The following GRM7 variants were observed in gnomAD, a reference collection of about 807,000 sequenced individuals.
The protein encoded by GRM7 is glutamate metabotropic receptor 7.
Under a neutral mutation model 84.5 loss-of-function variants are expected in GRM7, and 35 were observed. The observed-to-expected ratio is 0.41, with a 90% CI of 0.32 to 0.55. The LOEUF is 0.55. Among genes scored for constraint, GRM7 ranks in the 20% least tolerant of loss-of-function variants. The pLI, the probability that GRM7 is intolerant of heterozygous loss-of-function variation, is 0.19. For missense variants in GRM7, 1,003 were observed against 1,194.6 expected, an observed-to-expected ratio of 0.84 and a Z score of 2.36; for synonymous variants, 487 against 455.1, an observed-to-expected ratio of 1.07 and a Z score of -0.89.
At chr3:7,143,247 T>C (rs1224000454) in intron 1 of GRM7, among the ~76,000 whole-genome samples, 1 of 152,196 alleles carries the variant, frequency 6.6e-6, no homozygotes, top group African/African-American at 2.4e-5. Context: ...TAACATTAAC[T>C]TGAAAGCAAG....
intron 2 of GRM7, among the ~76,000 whole-genome samples, chr3:7,217,040 A>G (rs1187848821): frequency 6.6e-6 from 1 of 152,194 alleles, no homozygotes; most frequent in African/African-American, 2.4e-5. Flanking sequence ...GTGAGCTGGC[A>G]TACCTTGAAG....
intron 7 of GRM7, among the ~76,000 whole-genome samples, chr3:7,475,902 G>A (rs1238394939): frequency 1.3e-5 from 2 of 152,052 alleles, no homozygotes; most frequent in Admixed American, 6.6e-5. Flanking sequence ...AGCTACTATG[G>A]GGCTGGTAGG....
At chr3:7,205,528 A>G (rs1696207169) in intron 2 of GRM7, among the ~76,000 whole-genome samples, 1 of 152,190 alleles carries the variant, frequency 6.6e-6, no homozygotes, top group Non-Finnish European at 1.5e-5. Context: ...TTTTTGTTTA[A>G]TACTCTTATA....
At chr3:7,495,543 C>G (rs554102767) in intron 7 of GRM7, among the ~76,000 whole-genome samples, 1 of 152,246 alleles carries the variant, frequency 6.6e-6, no homozygotes, top group South Asian at 2.1e-4. Flanking sequence ...CTGGGTCTCT[C>G]TTACTGGTTT....
chr3:7,538,080 T>C (rs1014240555), intron 7 of GRM7, among the ~76,000 whole-genome samples: 5 of 152,178 alleles, frequency 3.3e-5, no homozygotes. Context: ...CAGGAGTTTC[T>C]GCCTAGGTTG....
At chr3:7,651,060 A>T (rs1698914417) in intron 8 of GRM7, among the ~76,000 whole-genome samples, 1 of 152,190 alleles carries the variant, frequency 6.6e-6, no homozygotes, top group African/African-American at 2.4e-5. Flanking sequence ...CTTATTCAAC[A>T]CATGAAGCTT....
intron 8 of GRM7, among the ~76,000 whole-genome samples, chr3:7,613,230 A>G (rs964813380): frequency 6.6e-6 from 1 of 152,222 alleles, no homozygotes; most frequent in Non-Finnish European, 1.5e-5. Flanking sequence ...TAGTAAACAT[A>G]TAAATAGTGA....
At chr3:7,142,161 A>C (rs1322803566) in intron 1 of GRM7, among the ~76,000 whole-genome samples, 2 of 152,086 alleles carry the variant, frequency 1.3e-5, no homozygotes, top group African/African-American at 4.8e-5. Flanking sequence ...AATATTATGC[A>C]ACCAGAAAGA....
At chr3:7,693,571 C>T in intron 9 of GRM7, 1 of 977,304 alleles carries the variant, frequency 1.0e-6, no homozygotes. Context: ...ATTTCATTTG[C>T]ATTTAATTTC....
At chr3:6,878,382 T>C (rs1359357052) in intron 1 of GRM7, among the ~76,000 whole-genome samples, 3 of 127,908 alleles carry the variant, frequency 2.3e-5, no homozygotes, top group African/African-American at 8.0e-5. Flanking sequence ...TGTTTGCGTG[T>C]GTGTGTGTGT....
At chr3:7,725,591 T>C (rs187251484) in intron 9 of GRM7, among the ~76,000 whole-genome samples, 1 of 152,334 alleles carries the variant, frequency 6.6e-6, no homozygotes, top group Admixed American at 6.5e-5. Context: ...GCATGGTGTT[T>C]ACATTTTCGC....
At chr3:7,052,532 C>T (rs189430053) in intron 1 of GRM7, among the ~76,000 whole-genome samples, 146 of 151,432 alleles carry the variant, frequency 9.6e-4, no homozygotes, top group African/African-American at 3.5e-3. Context: ...TGTTTTGTAC[C>T]TCTTTGAATT....
intron 5 of GRM7, among the ~76,000 whole-genome samples, chr3:7,445,567 C>A (rs1355209302): frequency 6.6e-6 from 1 of 152,122 alleles, no homozygotes; most frequent in Admixed American, 6.6e-5. Flanking sequence ...CACTTATCTT[C>A]ACCTGCAAAT....
rs759404063 is a variant in GRM7 at position 7,160,833 on chromosome 3, C to A, written c.736+14165C>A. ...ACTTCCTCTTTCAGAATAATCATTT[C>A]CCTTGTAATGCTCAGCATCCGTATC... On this transcript the variant is annotated intron_variant, in intron 2 of 9. Transcript: ENST00000357716. Among the ~76,000 whole-genome samples the A allele has an allele frequency of 7.2e-4, 110 of 152,170 alleles. 1 individual carries two copies. The highest frequency in any genetic ancestry group is 1.3e-3 in the Non-Finnish European group (91 of 68,008).
In GRM7 at chr3:6,931,157, C is replaced by T. The variant is rs185144833; in HGVS notation, c.519+69250C>T. Among the ~76,000 whole-genome samples, 182 of 152,302 alleles carry T rather than the reference C, an allele frequency of 1.2e-3. 1 individual carries two copies. The highest frequency in any genetic ancestry group is 4.2e-3 in the African/African-American group (175 of 41,572). ...ATTCATTAGTTAAAAATATGAACCA[C>T]TTAAATCAGGAAGTGCAAGACAGTA... is the stretch of plus-strand genomic sequence containing the variant. On this transcript the variant is annotated intron_variant, in intron 1 of 9. Transcript: ENST00000357716.
intron 4 of GRM7, among the ~76,000 whole-genome samples, chr3:7,412,165 C>A (rs1390947337): frequency 6.6e-6 from 1 of 152,072 alleles, no homozygotes; most frequent in Non-Finnish European, 1.5e-5. Flanking sequence ...AATCATTGGG[C>A]CATTCTTACT....
chr3:7,304,603 G>A (rs948240893), intron 3 of GRM7, among the ~76,000 whole-genome samples: 1 of 151,632 alleles, frequency 6.6e-6, no homozygotes, highest in African/African-American at 2.4e-5. Context: ...GTCTTCTTGG[G>A]TTGATTATTG....
chr3:7,298,288 A>G (rs1163716148), intron 2 of GRM7, among the ~76,000 whole-genome samples: 2 of 152,178 alleles, frequency 1.3e-5, no homozygotes, highest in Non-Finnish European at 2.9e-5. Context: ...AGAGATACAC[A>G]GAGCTTTACC....
intron 1 of GRM7, among the ~76,000 whole-genome samples, chr3:6,958,095 G>GTC (rs1330727486): frequency 6.6e-6 from 1 of 151,440 alleles, no homozygotes; most frequent in African/African-American, 2.4e-5. Context: ...GTGTGTGTGT[G>GTC]TATATATATA....
Sources: gnomAD v4.1 joint callset for allele counts (sites outside exome capture counted in the v4.1 genomes callset) on GRCh38, gnomAD v4.1.1 for gene constraint, MANE v1.5 for transcripts, NCBI Gene and HGNC (gene_info 2026-07-23, HGNC 2026-07-21) for gene names.